UBE2D4: variants seen among roughly 807,000 people sequenced by gnomAD.
The protein encoded by UBE2D4 is ubiquitin conjugating enzyme E2 D4, also known as ubiquitin-conjugating enzyme E2 D4.
In UBE2D4, 17 loss-of-function variants were observed where a neutral mutation model predicts 23.0. The ratio of observed to expected loss-of-function variants is 0.74; its 90% confidence interval spans 0.51 to 1.11. The LOEUF (loss-of-function observed/expected upper bound fraction) is 1.11. UBE2D4 is among the 50% of genes least tolerant of loss of function. The probability of loss-of-function intolerance (pLI) is 0.00; values close to 1 mark genes in which losing one functional copy is unlikely to be tolerated. For missense variants in UBE2D4, 139 were observed against 181.8 expected (o/e 0.76, Z 1.35); for synonymous variants, 61 against 69.4 (o/e 0.88, Z 0.60).
chr7:43,927,773 C>A (rs1037553764), intron 1 of UBE2D4, among the ~76,000 whole-genome samples: 32 of 152,194 alleles, frequency 2.1e-4, no homozygotes, highest in African/African-American at 6.5e-4. Context: ...CATTCCTAGC[C>A]TCCCAGTCCT....
At chr7:43,939,115 T>G (rs2132767260) in intron 2 of UBE2D4, among the ~76,000 whole-genome samples, 1 of 152,226 alleles carries the variant, frequency 6.6e-6, no homozygotes, top group East Asian at 1.9e-4. Context: ...CAAGTCAAAC[T>G]TGGGTGCTGG....
chr7:43,934,716 A>G (rs1225455214), intron 1 of UBE2D4, among the ~76,000 whole-genome samples: 2 of 151,786 alleles, frequency 1.3e-5, no homozygotes, highest in African/African-American at 2.4e-5. Context: ...ACACACATGC[A>G]TATGTACATA....
At position 43,932,449 on chromosome 7, in the gene UBE2D4, A is replaced by G. The variant is rs561961509; in HGVS notation, c.24+5893A>G. On this transcript the variant is annotated intron_variant, in intron 1 of 6. Transcript: ENST00000222402. Reference sequence around the variant, plus strand: ...GGGAACACAGATCCAAACTATATCAATACATATTTAACACATATATTTTGC... The same window carrying G: ...GGGAACACAGATCCAAACTATATCAGTACATATTTAACACATATATTTTGC... Among the ~76,000 whole-genome samples, 13 of 152,350 alleles carry G rather than the reference A, an allele frequency of 8.5e-5. No individual in the cohort carries two copies. In the South Asian group the frequency reaches 2.7e-3, roughly 32 times the overall value.
chr7:43,931,096 G>C (rs1353169629), intron 1 of UBE2D4, among the ~76,000 whole-genome samples: 1 of 151,528 alleles, frequency 6.6e-6, no homozygotes, highest in African/African-American at 2.4e-5. Context: ...ACTCCAGCCT[G>C]GGTGATAGAG....
intron 2 of UBE2D4, among the ~76,000 whole-genome samples, chr7:43,939,009 C>G (rs2095964859): frequency 6.6e-6 from 1 of 152,242 alleles, no homozygotes; most frequent in South Asian, 2.1e-4. Flanking sequence ...CCTGCACTGC[C>G]TCTCATGTCC....
At chr7:43,945,759 C>T (rs1215997418) in intron 4 of UBE2D4, among the ~76,000 whole-genome samples, 4 of 146,208 alleles carry the variant, frequency 2.7e-5, no homozygotes, top group Non-Finnish European at 4.5e-5. Flanking sequence ...TCAAAGCTAG[C>T]GGAGGAGGCA....
intron 1 of UBE2D4, among the ~76,000 whole-genome samples, chr7:43,933,058 CATATAT>C (rs1228752936): frequency 1.6e-4 from 21 of 132,072 alleles, no homozygotes; most frequent in South Asian, 7.4e-4. Context: ...ATATATATAA[CATATAT>C]ACACACATAT....
Position 43,948,619 on chromosome 7 carries a change from C to G in UBE2D4, c.199-13C>G. ...CTGTGGTTTGTCTGATTGGGGATCT[C>G]TTGTCTTTGCAGGTTGCTTTCACAA... On this transcript the variant is annotated splice_polypyrimidine_tract_variant and intron_variant, in intron 4 of 6. Coordinates refer to ENST00000222402, the MANE Select transcript of UBE2D4 (RefSeq NM_015983.4). 1 of 1,575,382 alleles carries G rather than the reference C, an allele frequency of 6.3e-7. No individual in the cohort carries two copies. Among genetic ancestry groups the G allele is most frequent in the Non-Finnish European group, 8.7e-7 (1 of 1,147,342 alleles).
intron 4 of UBE2D4, among the ~76,000 whole-genome samples, chr7:43,947,979 A>G (rs11766571): frequency 0.13 from 19,223 of 152,262 alleles, 1,297 homozygotes; most frequent in Admixed American, 0.19. Flanking sequence ...TGTTGGCTGC[A>G]TAAATGTCTT....
intron 4 of UBE2D4, 171 bp from the exon 5 acceptor site, chr7:43,948,461 C>G: frequency 1.8e-6 from 1 of 557,118 alleles, no homozygotes. Context: ...TGATCACTCA[C>G]TCCCATATCC....
In UBE2D4 at chr7:43,926,550, C is replaced by T. The variant is rs370622554; in HGVS notation, c.18C>T (p.Ile6=). Residue 6 remains isoleucine (I), a synonymous_variant, in exon 1 of 7, where the codon ATC becomes ATT. Transcript: ENST00000222402. ...GGGGTAGGATGGCGCTAAAGCGGATCCAGAAGGTACGCACTTTCCCACCCT... is the reference window on the plus strand; with the variant it reads ...GGGGTAGGATGGCGCTAAAGCGGATTCAGAAGGTACGCACTTTCCCACCCT... The part of the protein sequence containing the change: MALKR[I]QKELTDLQRD... 115 of 1,569,912 alleles carry T rather than the reference C, an allele frequency of 7.3e-5. No homozygotes were observed. The highest frequency in any genetic ancestry group is 6.7e-4 in the Middle Eastern group (4 of 5,986).
Position 43,950,322 on chromosome 7 carries a change from G to A in UBE2D4, c.305-277G>A, listed in dbSNP as rs150363608. Among the ~76,000 whole-genome samples, 114 of 149,724 alleles carry A rather than the reference G, an allele frequency of 7.6e-4. 2 individuals are homozygous for A. The East Asian group carries it at 0.016, about 21-fold the overall frequency. On this transcript the variant is annotated intron_variant, in intron 5 of 6. Coordinates refer to ENST00000222402, the MANE Select transcript of UBE2D4 (RefSeq NM_015983.4). Reference sequence around the variant, plus strand: ...AGACAAGGATGGGAGGGCAGTTGGAGACTAAGATGGGGTGCTTCAGTGGAG... The same window carrying A: ...AGACAAGGATGGGAGGGCAGTTGGAAACTAAGATGGGGTGCTTCAGTGGAG...
chr7:43,949,029 A>T (rs764786344), intron 5 of UBE2D4: 1 of 437,048 alleles, frequency 2.3e-6, no homozygotes, highest in Non-Finnish European at 4.1e-6. Context: ...TTTATCCAAA[A>T]ATAAGAAAGG....
chr7:43,926,585 T>C, intron 1 of UBE2D4, 29 bp downstream of exon 1: 13 of 1,559,458 alleles, frequency 8.3e-6, no homozygotes, highest in Non-Finnish European at 1.1e-5. Context: ...TCCAACTCTT[T>C]GGGTGTCCGA....
Position 43,954,257 on chromosome 7 carries a change from CTTTTTTTTTTTTT to C in UBE2D4, c.*1578_*1590del, listed in dbSNP as rs774290334. ...TGCATCTCACCATGTTGAGGATTGC[CTTTTTTTTTTTTT>C]TTTTTTTTTTTTTTTAACACAGAGC... On this transcript the variant is annotated 3_prime_UTR_variant, in exon 7 of 7. Transcript: ENST00000222402. The C allele has an allele frequency of 5.7e-5, 4 of 70,570 alleles. No homozygotes were observed. Among genetic ancestry groups the C allele is most frequent in the East Asian group, 4.3e-4 (1 of 2,322 alleles). The allele number at this position is 70,570 out of a possible 1,614,324, so 4.4% of individuals were successfully genotyped here.
chr7:43,952,703 G>C lies in UBE2D4; in HGVS notation c.*8G>C, dbSNP rs772232564. 6.2e-7 allele frequency: 1 copy of C among 1,611,940 alleles called. No homozygotes were observed. Among genetic ancestry groups the C allele is most frequent in the East Asian group, 2.2e-5 (1 of 44,860 alleles). ...CAAAAATATGCTATGTAAGTGCCTT[G>C]GAGGTTTTACATGAGACACTGTCCA... On this transcript the variant is annotated 3_prime_UTR_variant, in exon 7 of 7. Transcript: ENST00000222402.
chr7:43,949,774 C>T (rs944590213), intron 5 of UBE2D4, among the ~76,000 whole-genome samples: 1 of 152,224 alleles, frequency 6.6e-6, no homozygotes, highest in Admixed American at 6.5e-5. Flanking sequence ...CTGAGAGCCA[C>T]ATTGAGTGCA....
At chr7:43,952,416 G>A (rs2096004816) in intron 6 of UBE2D4, 1 of 476,198 alleles carries the variant, frequency 2.1e-6, no homozygotes, top group African/African-American at 2.0e-5. Flanking sequence ...GATAGTTATG[G>A]AGAATCAACA....
intron 1 of UBE2D4, 98 bp downstream of exon 1, chr7:43,926,654 C>T: frequency 7.5e-7 from 1 of 1,326,172 alleles, no homozygotes; most frequent in Non-Finnish European, 1.0e-6. Flanking sequence ...GGAGGCTCCG[C>T]GAGTCGCGGA....
Sources: allele counts gnomAD v4.1 joint callset (sites outside exome capture counted in the v4.1 genomes callset), GRCh38; gene constraint gnomAD v4.1.1; transcripts MANE v1.5; gene names NCBI Gene and HGNC (gene_info 2026-07-23, HGNC 2026-07-21).